The following TYW1B variants were observed in gnomAD, a reference collection of about 807,000 sequenced individuals.
TYW1B encodes tRNA-yW synthesizing protein 1 homolog B.
A neutral mutation model predicts 86.9 loss-of-function variants in TYW1B; 73 were observed. That is an observed-to-expected ratio of 0.84 (90% CI 0.70 to 1.02). The LOEUF (loss-of-function observed/expected upper bound fraction) is 1.02. Among genes scored for constraint, TYW1B ranks in the 50% least tolerant of loss-of-function variants. The pLI, the probability that TYW1B is intolerant of heterozygous loss-of-function variation, is 0.00. For missense variants in TYW1B, 637 were observed against 827.4 expected (o/e 0.77, Z 2.82); for synonymous variants, 248 against 292.8 (o/e 0.85, Z 1.56).
chr7:72,601,383 G>A (rs1811662264), intron 13 of TYW1B, among the ~76,000 whole-genome samples: 1 of 151,648 alleles, frequency 6.6e-6, no homozygotes, highest in Non-Finnish European at 1.5e-5. Context: ...CCAAATTCTG[G>A]CAAGGATGTA....
At chr7:72,804,479 C>T (rs1212034671) in intron 5 of TYW1B, among the ~76,000 whole-genome samples, 2 of 152,006 alleles carry the variant, frequency 1.3e-5, no homozygotes, top group Non-Finnish European at 2.9e-5. Flanking sequence ...AGGATTATCA[C>T]GGACAGCTAT....
At chr7:72,695,794 C>G (rs1391743732) in intron 10 of TYW1B, among the ~76,000 whole-genome samples, 1 of 152,078 alleles carries the variant, frequency 6.6e-6, no homozygotes, top group Non-Finnish European at 1.5e-5. Flanking sequence ...AGGGGTCCCA[C>G]TACGTTACCT....
At chr7:72,612,271 A>C (rs1811951739) in intron 13 of TYW1B, among the ~76,000 whole-genome samples, 1 of 152,208 alleles carries the variant, frequency 6.6e-6, no homozygotes, top group Admixed American at 6.5e-5. Context: ...ACAGTAATGA[A>C]TAATGACCCA....
chr7:72,813,957 G>C lies in TYW1B; in HGVS notation c.237+1423C>G, dbSNP rs191132203. Among the ~76,000 whole-genome samples the C allele has an allele frequency of 2.8e-3, 422 of 151,086 alleles. 13 individuals carry two copies. Among genetic ancestry groups the C allele is most frequent in the Admixed American group, 0.025 (371 of 15,104 alleles). Reference sequence around the variant, plus strand: ...TTAAACCCTGGAGCTGGAGGTTGCAGTGAGCCAAGATCACACCATTGCACT... The same window carrying C: ...TTAAACCCTGGAGCTGGAGGTTGCACTGAGCCAAGATCACACCATTGCACT... On this transcript the variant is annotated intron_variant, in intron 3 of 13. Coordinates refer to ENST00000620995, the MANE Select transcript of TYW1B (RefSeq NM_001145440.3).
chr7:72,720,995 G>A (rs879949526), intron 9 of TYW1B, among the ~76,000 whole-genome samples: 10 of 149,480 alleles, frequency 6.7e-5, no homozygotes, highest in African/African-American at 1.5e-4. Flanking sequence ...GAGAACATGC[G>A]GTGTTTGGTT....
At chr7:72,648,265 AGGCGTGGTGGTTTAC>A (rs1812978243) in intron 11 of TYW1B, among the ~76,000 whole-genome samples, 1 of 152,050 alleles carries the variant, frequency 6.6e-6, no homozygotes, top group African/African-American at 2.4e-5. Flanking sequence ...CTGCTCTGCC[AGGCGTGGTGGTTTAC>A]GCTTGTAATC....
At chr7:72,588,260 G>T (rs1460992702) in intron 13 of TYW1B, among the ~76,000 whole-genome samples, 1 of 152,238 alleles carries the variant, frequency 6.6e-6, no homozygotes, top group Non-Finnish European at 1.5e-5. Context: ...CTCATTTTCT[G>T]AAGTTTCAAC....
chr7:72,670,647 T>C (rs3015907), intron 11 of TYW1B, among the ~76,000 whole-genome samples: 116,786 of 152,148 alleles, frequency 0.77, 45,610 homozygotes, highest in Non-Finnish European at 0.85. Flanking sequence ...CTGCTCGCTT[T>C]CTGAGGAGTA....
intron 13 of TYW1B, among the ~76,000 whole-genome samples, chr7:72,585,097 G>A (rs149899293): frequency 0.013 from 1,912 of 152,262 alleles, 41 homozygotes; most frequent in African/African-American, 0.041. Context: ...ACTTCCCATC[G>A]GTTTCCCTTG....
At chr7:72,696,296 C>A (rs533570990) in intron 10 of TYW1B, among the ~76,000 whole-genome samples, 1 of 152,104 alleles carries the variant, frequency 6.6e-6, no homozygotes, top group Non-Finnish European at 1.5e-5. Context: ...TCAAATAGGT[C>A]TCATAATTCA....
chr7:72,795,356 T>C lies in TYW1B; in HGVS notation c.846+7044A>G, dbSNP rs201887633. The stretch of plus-strand genomic sequence containing the variant: ...AATGCTTTTGGATTTTCTCATCGTC[T>C]CTTTTAATCCTAGAATGGTTATCGC... On this transcript the variant is annotated intron_variant, in intron 6 of 13. Transcript: ENST00000620995. Among the ~76,000 whole-genome samples, 11 of 152,056 alleles carry C rather than the reference T, an allele frequency of 7.2e-5. No individual in the cohort carries two copies. The East Asian group carries it at 1.9e-3, about 27-fold the overall frequency.
At chr7:72,687,801 A>T (rs1814045764) in intron 11 of TYW1B, among the ~76,000 whole-genome samples, 1 of 152,094 alleles carries the variant, frequency 6.6e-6, no homozygotes, top group African/African-American at 2.4e-5. Flanking sequence ...CATGCCTGTA[A>T]TCCCAGCATT....
chr7:72,615,104 T>C lies in TYW1B; in HGVS notation c.1785+1568A>G, dbSNP rs568275451. 7.9e-5 allele frequency among the ~76,000 whole-genome samples: 12 copies of C among 152,372 alleles called. No homozygotes were observed. The East Asian group carries it at 2.1e-3, about 27-fold the overall frequency. On this transcript the variant is annotated intron_variant, in intron 13 of 13. Coordinates refer to ENST00000620995, the MANE Select transcript of TYW1B (RefSeq NM_001145440.3). ...TCTTCATGTCTGAGCACTGTGTCCC[T>C]TGCTGCACAGCCTGGTGTCCAGAAC... is the stretch of plus-strand genomic sequence containing the variant.
At chr7:72,740,753 CG>C (rs1554462094) in intron 8 of TYW1B, among the ~76,000 whole-genome samples, 1 of 131,386 alleles carries the variant, frequency 7.6e-6, no homozygotes, top group Admixed American at 8.2e-5. Context: ...TTTTTTGAGA[CG>C]GAGTCTTGCT....
At chr7:72,690,593 A>G (rs1365633955) in intron 11 of TYW1B, among the ~76,000 whole-genome samples, 1 of 152,378 alleles carries the variant, frequency 6.6e-6, no homozygotes, top group Admixed American at 6.5e-5. Flanking sequence ...TTGTTTATAA[A>G]GTTTAAGAAA....
At chr7:72,640,107 C>T (rs1812768425) in intron 11 of TYW1B, among the ~76,000 whole-genome samples, 1 of 151,470 alleles carries the variant, frequency 6.6e-6, no homozygotes, top group African/African-American at 2.4e-5. Flanking sequence ...ATATTAAAAA[C>T]CAACAGAATG....
At chr7:72,594,189 GA>G (rs1164645614) in intron 13 of TYW1B, among the ~76,000 whole-genome samples, 11 of 151,250 alleles carry the variant, frequency 7.3e-5, no homozygotes, top group Non-Finnish European at 1.3e-4. Context: ...ATAGAGAATA[GA>G]AAAAAACAAA....
intron 13 of TYW1B, among the ~76,000 whole-genome samples, chr7:72,609,403 T>C (rs1456674383): frequency 1.3e-5 from 2 of 151,536 alleles, no homozygotes; most frequent in Non-Finnish European, 2.9e-5. Flanking sequence ...AATAACAAAT[T>C]TAAAAATTAG....
chr7:72,580,936 T>C lies in TYW1B; in HGVS notation c.1786-5217A>G, dbSNP rs538016179. Among the ~76,000 whole-genome samples the C allele has an allele frequency of 1.0e-2, 1,252 of 125,500 alleles. 9 individuals carry two copies. The highest frequency in any genetic ancestry group is 0.016 in the Non-Finnish European group (970 of 61,156). 82.3% of individuals were successfully genotyped at this position (125,500 alleles called of 152,430 possible). ...GAGAGCTGAATCCTAAGCCAGCAAA[T>C]AGAGAAATCCAAGATTCAGCCCAAA... On this transcript the variant is annotated intron_variant, in intron 13 of 13. Transcript: ENST00000620995.
Sources: allele counts gnomAD v4.1 joint callset (sites outside exome capture counted in the v4.1 genomes callset), GRCh38; gene constraint gnomAD v4.1.1; transcripts MANE v1.5; gene names NCBI Gene and HGNC (gene_info 2026-07-23, HGNC 2026-07-21).